Variants in XYLT1 observed in about 807,000 individuals in gnomAD.
The protein encoded by XYLT1 is xylosyltransferase 1, also known as beta-D-xylosyltransferase 1.
In XYLT1, 36 loss-of-function variants were observed where a neutral mutation model predicts 91.3. The ratio of observed to expected loss-of-function variants is 0.39; its 90% CI spans 0.30 to 0.52. The LOEUF is 0.52. Ranked by LOEUF, XYLT1 falls within the 20% of genes least tolerant of loss-of-function variation. The probability of loss-of-function intolerance (pLI) is 0.68; values close to 1 mark genes in which losing one functional copy is unlikely to be tolerated. For synonymous variants in XYLT1, 588 were observed against 532.0 expected, an observed-to-expected ratio of 1.11 and a Z score of -1.45; for missense variants, 1,242 against 1,284.5, an observed-to-expected ratio of 0.97 and a Z score of 0.51.
intron 1 of XYLT1, among the ~76,000 whole-genome samples, chr16:17,459,322 A>G (rs1158425613): frequency 1.3e-5 from 2 of 152,250 alleles, no homozygotes. Context: ...CAGTGAGCTG[A>G]GATCAAACCA....
At chr16:17,232,069 A>T (rs2033164716) in intron 3 of XYLT1, among the ~76,000 whole-genome samples, 1 of 147,676 alleles carries the variant, frequency 6.8e-6, no homozygotes, top group Non-Finnish European at 1.5e-5. Context: ...CCCGTAAGAT[A>T]TTATAATCTT....
At position 17,259,436 on chromosome 16, in the gene XYLT1, A is replaced by G. The variant is rs2033688890; in HGVS notation, c.465T>C (p.Ser155=). The part of the protein sequence containing the change: ...KVRTDSNNEN[S]VPKDFENVDN... Reference sequence around the variant, plus strand: ...CGACATTCTCAAAGTCTTTGGGGACAGAGTTCTCGTTGTTGCTGTCTGTTC... The same window carrying G: ...CGACATTCTCAAAGTCTTTGGGGACGGAGTTCTCGTTGTTGCTGTCTGTTC... Residue 155 remains serine, a synonymous_variant, in exon 3 of 12, where the codon TCT becomes TCC. Transcript: ENST00000261381. The G allele has an allele frequency of 6.2e-7, 1 of 1,613,968 alleles. No homozygotes were observed.
chr16:17,390,795 G>C (rs1041749018), intron 1 of XYLT1, among the ~76,000 whole-genome samples: 1 of 152,160 alleles, frequency 6.6e-6, no homozygotes, highest in Non-Finnish European at 1.5e-5. Context: ...CAACACTTTG[G>C]GAGCCTGAGA....
Position 17,404,939 on chromosome 16 carries a change from G to A in XYLT1, c.364-46889C>T, listed in dbSNP as rs116741964. Among the ~76,000 whole-genome samples the A allele has an allele frequency of 6.3e-3, 959 of 152,286 alleles. 8 individuals carry two copies. Among genetic ancestry groups the A allele is most frequent in the African/African-American group, 0.022 (923 of 41,558 alleles). On this transcript the variant is annotated intron_variant, in intron 1 of 11. Transcript: ENST00000261381. ...GGGCTGCCTCTTTGCACACCTCTGA[G>A]AGGTGCCCTCCACACAGAATACAAC...
chr16:17,418,802 G>A (rs2036212758), intron 1 of XYLT1, among the ~76,000 whole-genome samples: 1 of 151,676 alleles, frequency 6.6e-6, no homozygotes, highest in South Asian at 2.1e-4. Flanking sequence ...GAGCCATGAT[G>A]GTACCACTGC....
chr16:17,176,791 CT>C (rs2031953306), intron 5 of XYLT1, among the ~76,000 whole-genome samples: 1 of 151,606 alleles, frequency 6.6e-6, no homozygotes, highest in South Asian at 2.1e-4. Flanking sequence ...AAAATACTAG[CT>C]ATCATGTTTC....
At chr16:17,404,428 T>G (rs1173954859) in intron 1 of XYLT1, among the ~76,000 whole-genome samples, 1 of 152,184 alleles carries the variant, frequency 6.6e-6, no homozygotes, top group Non-Finnish European at 1.5e-5. Context: ...CGTCAACAAC[T>G]GACCTGGAGC....
intron 2 of XYLT1, among the ~76,000 whole-genome samples, chr16:17,319,661 G>C (rs1007667407): frequency 1.4e-4 from 22 of 152,020 alleles, no homozygotes; most frequent in East Asian, 9.7e-4. Flanking sequence ...GGCTGGTCTT[G>C]AACTCCTGGC....
chr16:17,369,320 A>G (rs2035497290), intron 1 of XYLT1, among the ~76,000 whole-genome samples: 1 of 151,908 alleles, frequency 6.6e-6, no homozygotes, highest in Non-Finnish European at 1.5e-5. Flanking sequence ...CTTTTTTTAA[A>G]ATTAGGTGCC....
chr16:17,159,691 C>G (rs9934960), intron 5 of XYLT1, among the ~76,000 whole-genome samples: 89,656 of 152,150 alleles, frequency 0.59, 28,088 homozygotes, highest in Non-Finnish European at 0.68. Context: ...ATTGAGAGAG[C>G]TTTAAAAAAT....
chr16:17,219,288 AAAAAAAAAAAAAAG>A (rs1257801237), intron 3 of XYLT1, among the ~76,000 whole-genome samples: 38 of 138,580 alleles, frequency 2.7e-4, no homozygotes, highest in African/African-American at 1.2e-3. Context: ...CTCAAAAAAA[AAAAAAAAAAAAAAG>A]AAAAAGAAAA....
At chr16:17,299,856 G>A (rs2034368272) in intron 2 of XYLT1, among the ~76,000 whole-genome samples, 2 of 152,188 alleles carry the variant, frequency 1.3e-5, no homozygotes, top group Non-Finnish European at 2.9e-5. Context: ...CCATCCTGGT[G>A]GACATGAAGG....
At chr16:17,329,471 T>G (rs2034863839) in intron 2 of XYLT1, among the ~76,000 whole-genome samples, 1 of 152,238 alleles carries the variant, frequency 6.6e-6, no homozygotes, top group Admixed American at 6.5e-5. Flanking sequence ...TTCTTAGTTC[T>G]TTATCTATAC....
intron 1 of XYLT1, among the ~76,000 whole-genome samples, chr16:17,371,171 T>C (rs922776122): frequency 6.6e-6 from 1 of 152,210 alleles, no homozygotes; most frequent in African/African-American, 2.4e-5. Flanking sequence ...GAGAGCAAAG[T>C]TGACTCCCAT....
intron 3 of XYLT1, among the ~76,000 whole-genome samples, chr16:17,217,975 A>G (rs1450223327): frequency 6.6e-6 from 1 of 151,976 alleles, no homozygotes; most frequent in East Asian, 1.9e-4. Context: ...AAAAAAGACA[A>G]AAAACGTTGG....
intron 2 of XYLT1, among the ~76,000 whole-genome samples, chr16:17,304,608 G>A (rs1470454842): frequency 6.6e-6 from 1 of 152,074 alleles, no homozygotes; most frequent in Non-Finnish European, 1.5e-5. Flanking sequence ...GTAAGCCTAC[G>A]TCCAAAAGCG....
At chr16:17,167,811 T>C (rs1055204268) in intron 5 of XYLT1, among the ~76,000 whole-genome samples, 2 of 151,792 alleles carry the variant, frequency 1.3e-5, no homozygotes, top group African/African-American at 4.8e-5. Flanking sequence ...CATCCTTCCA[T>C]CTCATGCATG....
intron 5 of XYLT1, among the ~76,000 whole-genome samples, chr16:17,178,120 C>A (rs570223924): frequency 5.3e-5 from 8 of 152,174 alleles, no homozygotes; most frequent in African/African-American, 1.9e-4. Flanking sequence ...AGGAACTCTG[C>A]GGGGCTGGAT....
chr16:17,222,403 AG>A (rs572211231), intron 3 of XYLT1, among the ~76,000 whole-genome samples: 137 of 152,292 alleles, frequency 9.0e-4, no homozygotes, highest in African/African-American at 2.7e-3. Context: ...CCCCCACAGA[AG>A]GGATTATCTG....
Sources: allele counts gnomAD v4.1 joint callset (sites outside exome capture counted in the v4.1 genomes callset), GRCh38; gene constraint gnomAD v4.1.1; transcripts MANE v1.5; gene names NCBI Gene and HGNC (gene_info 2026-07-23, HGNC 2026-07-21).